ROBO1: variants seen among roughly 807,000 people sequenced by gnomAD.
The protein encoded by ROBO1 is roundabout homolog 1.
Under a neutral mutation model 195.9 loss-of-function variants are expected in ROBO1, and 149 were observed. The observed-to-expected ratio is 0.76, with a 90% CI of 0.67 to 0.87. ROBO1 has a LOEUF of 0.87. ROBO1 is among the 40% of genes least tolerant of loss of function. The pLI is 0.00. For synonymous variants in ROBO1, 816 were observed against 733.2 expected, an observed-to-expected ratio of 1.11 and a Z score of -1.82; for missense variants, 1,933 against 2,068.3, an observed-to-expected ratio of 0.93 and a Z score of 1.27.
intron 3 of ROBO1, among the ~76,000 whole-genome samples, chr3:78,950,101 G>A (rs2040689379): frequency 6.6e-6 from 1 of 152,122 alleles, no homozygotes; most frequent in Non-Finnish European, 1.5e-5. Flanking sequence ...AAGTCCGTGT[G>A]GCGATTCCTC....
At chr3:79,309,845 T>C (rs2033400270) in intron 2 of ROBO1, among the ~76,000 whole-genome samples, 1 of 152,180 alleles carries the variant, frequency 6.6e-6, no homozygotes, top group African/African-American at 2.4e-5. Flanking sequence ...TGCCTGAAGT[T>C]TTTATTATGG....
intron 2 of ROBO1, among the ~76,000 whole-genome samples, chr3:79,564,453 C>A (rs1244249693): frequency 6.6e-6 from 1 of 152,058 alleles, no homozygotes; most frequent in East Asian, 1.9e-4. Context: ...TCATTTCCAC[C>A]ATAAATTTCT....
chr3:79,514,135 A>G (rs1024854236), intron 2 of ROBO1, among the ~76,000 whole-genome samples: 2 of 152,210 alleles, frequency 1.3e-5, no homozygotes, highest in Admixed American at 6.5e-5. Flanking sequence ...CAGAGAAAGA[A>G]TAGCTTTCTA....
intron 2 of ROBO1, among the ~76,000 whole-genome samples, chr3:79,164,015 C>A (rs745752018): frequency 6.6e-6 from 1 of 152,022 alleles, no homozygotes; most frequent in Non-Finnish European, 1.5e-5. Flanking sequence ...TTAAAATAAT[C>A]CTTGGAAGAC....
intron 1 of ROBO1, among the ~76,000 whole-genome samples, chr3:79,647,795 T>C (rs1029225173): frequency 1.3e-5 from 2 of 152,070 alleles, no homozygotes; most frequent in Admixed American, 6.6e-5. Context: ...AATAATGTTA[T>C]TGTGTTTAGT....
chr3:79,662,250 C>A (rs751902485), intron 1 of ROBO1, among the ~76,000 whole-genome samples: 22 of 151,992 alleles, frequency 1.4e-4, no homozygotes, highest in East Asian at 3.9e-4. Context: ...AATGAACTGG[C>A]GATCTTTCTT....
At position 79,653,230 on chromosome 3, in the gene ROBO1, GA is replaced by G. The variant is rs574608556; in HGVS notation, c.-50-63270del. Among the ~76,000 whole-genome samples the G allele has an allele frequency of 1.2e-3, 182 of 151,582 alleles. 1 individual carries two copies. In the Middle Eastern group the frequency reaches 0.044, roughly 37 times the overall value. On this transcript the variant is annotated intron_variant, in intron 1 of 30. Transcript: ENST00000464233. ...TAATTATATTTCATTATAATTTCAT[GA>G]AAAAATAAATGAGAAATTCATTTAA...
chr3:79,240,346 C>A (rs2082489645), intron 2 of ROBO1, among the ~76,000 whole-genome samples: 1 of 152,078 alleles, frequency 6.6e-6, no homozygotes, highest in Non-Finnish European at 1.5e-5. Flanking sequence ...TATTATGTGG[C>A]ACAAATTTTT....
At chr3:78,866,500 C>T (rs531436022) in intron 4 of ROBO1, among the ~76,000 whole-genome samples, 8 of 152,236 alleles carry the variant, frequency 5.3e-5, no homozygotes, top group South Asian at 2.1e-4. Flanking sequence ...CATTCGCACC[C>T]TCCCATGCCA....
intron 2 of ROBO1, among the ~76,000 whole-genome samples, chr3:79,427,109 C>A (rs1167220549): frequency 6.6e-6 from 1 of 152,128 alleles, no homozygotes; most frequent in African/African-American, 2.4e-5. Context: ...AGATCCAAGT[C>A]ATTTTTCTTT....
rs1314869747 is a variant in ROBO1 at position 78,717,924 on chromosome 3, T to A, written c.658-41A>T. ...TCACAGGAATACTATTAAAATTGCTTCAGCTATGTTTACATGACAGATGTC... is the reference window on the plus strand; with the variant it reads ...TCACAGGAATACTATTAAAATTGCTACAGCTATGTTTACATGACAGATGTC... On this transcript the variant is annotated intron_variant, in intron 5 of 30. Coordinates refer to ENST00000464233, the MANE Select transcript of ROBO1 (RefSeq NM_002941.4). The A allele has an allele frequency of 1.9e-6, 3 of 1,603,052 alleles. No homozygotes were observed. The East Asian group carries it at 6.7e-5, about 36-fold the overall frequency.
chr3:79,214,582 T>C (rs994038145), intron 2 of ROBO1, among the ~76,000 whole-genome samples: 12 of 152,010 alleles, frequency 7.9e-5, no homozygotes, highest in Admixed American at 5.9e-4. Context: ...TGAAGTGTGC[T>C]CAACCAATGT....
intron 17 of ROBO1, among the ~76,000 whole-genome samples, chr3:78,658,035 C>G (rs564195742): frequency 6.6e-6 from 1 of 152,130 alleles, no homozygotes; most frequent in African/African-American, 2.4e-5. Context: ...AATAGCAATA[C>G]ATATTTGATG....
chr3:79,428,691 T>C (rs1227096370), intron 2 of ROBO1, among the ~76,000 whole-genome samples: 1 of 152,154 alleles, frequency 6.6e-6, no homozygotes. Flanking sequence ...ATCAGCTTTA[T>C]TCATAATCAC....
Position 79,379,773 on chromosome 3 carries a change from T to C in ROBO1, c.88+210051A>G, listed in dbSNP as rs990255103. Among the ~76,000 whole-genome samples the C allele has an allele frequency of 3.3e-5, 5 of 152,292 alleles. No homozygotes were observed. In the South Asian group the frequency reaches 1.0e-3, roughly 32 times the overall value. On this transcript the variant is annotated intron_variant, in intron 2 of 30. Coordinates refer to ENST00000464233, the MANE Select transcript of ROBO1 (RefSeq NM_002941.4). ...ATTATGCCAGTGGCTTTTAAAGTATTGCCACCAGGCGACAAAAATCAGACT... is the reference window on the plus strand; with the variant it reads ...ATTATGCCAGTGGCTTTTAAAGTATCGCCACCAGGCGACAAAAATCAGACT...
chr3:79,126,983 A>G (rs2080227762), intron 2 of ROBO1, among the ~76,000 whole-genome samples: 1 of 151,454 alleles, frequency 6.6e-6, no homozygotes, highest in Non-Finnish European at 1.5e-5. Flanking sequence ...TCGCGTAATT[A>G]TAATAACCTG....
At chr3:78,684,528 T>C (rs575903325) in intron 10 of ROBO1, among the ~76,000 whole-genome samples, 1 of 152,094 alleles carries the variant, frequency 6.6e-6, no homozygotes, top group Non-Finnish European at 1.5e-5. Context: ...TACTTCAGTT[T>C]ACGTAATCGG....
chr3:79,743,707 G>C, intron 1 of ROBO1, among the ~76,000 whole-genome samples: 1 of 152,198 alleles, frequency 6.6e-6, no homozygotes, highest in East Asian at 1.9e-4. Context: ...TATATCCTTA[G>C]TTTATAAGCT....
chr3:78,688,634 G>A lies in ROBO1; in HGVS notation c.1170+14C>T. The A allele has an allele frequency of 6.4e-7, 1 of 1,554,360 alleles. No individual in the cohort carries two copies. Among genetic ancestry groups the A allele is most frequent in the Admixed American group, 2.1e-5 (1 of 46,810 alleles). On this transcript the variant is annotated intron_variant, in intron 9 of 30. Transcript: ENST00000464233. ...TTGCTGATTTAAAAAAAAAAAGTTA[G>A]AAAAAGGTGGTACCTGACTCCCTTC...
Sources: allele counts gnomAD v4.1 joint callset (sites outside exome capture counted in the v4.1 genomes callset), GRCh38; gene constraint gnomAD v4.1.1; transcripts MANE v1.5; gene names NCBI Gene and HGNC (gene_info 2026-07-23, HGNC 2026-07-21).